Variants in GPC6 observed in about 807,000 individuals in gnomAD.
GPC6 encodes glypican-6.
In GPC6, 14 loss-of-function variants were observed where a neutral mutation model predicts 55.2. The observed-to-expected ratio is 0.25, with a 90% CI of 0.17 to 0.40. The LOEUF (loss-of-function observed/expected upper bound fraction) is 0.40, where lower values mean the gene tolerates loss of function less well. Ranked by LOEUF, GPC6 falls within the 10% of genes least tolerant of loss-of-function variation. GPC6 has a pLI of 1.00. For missense variants in GPC6, 641 were observed against 708.5 expected (o/e 0.90, Z 1.08); for synonymous variants, 278 against 259.6 (o/e 1.07, Z -0.68).
chr13:93,364,420 G>A (rs1049854176), intron 1 of GPC6, among the ~76,000 whole-genome samples: 2 of 151,870 alleles, frequency 1.3e-5, no homozygotes, highest in Non-Finnish European at 2.9e-5. Flanking sequence ...AAACACTACA[G>A]CAACGTTAGT....
chr13:94,266,151 C>CTTTTT (rs111623457), intron 4 of GPC6, among the ~76,000 whole-genome samples: 18 of 142,800 alleles, frequency 1.3e-4, no homozygotes, highest in Admixed American at 6.9e-5. Context: ...CTTTTCTTTT[C>CTTTTT]TTTTTTTTTT....
chr13:93,385,800 T>A (rs1482882783), intron 1 of GPC6, among the ~76,000 whole-genome samples: 1 of 152,086 alleles, frequency 6.6e-6, no homozygotes, highest in Non-Finnish European at 1.5e-5. Context: ...AATATAATTT[T>A]ATATTATATT....
intron 1 of GPC6, among the ~76,000 whole-genome samples, chr13:93,419,694 T>A (rs970662246): frequency 6.6e-6 from 1 of 152,188 alleles, no homozygotes. Flanking sequence ...TGAGGCTCTT[T>A]GCTGAGGGTC....
At chr13:93,291,327 T>C (rs17267592) in intron 1 of GPC6, among the ~76,000 whole-genome samples, 2 of 152,106 alleles carry the variant, frequency 1.3e-5, no homozygotes, top group East Asian at 3.9e-4. Context: ...ACAATGCCAT[T>C]GTCTCTTGAT....
chr13:93,365,064 C>A (rs964348579), intron 1 of GPC6, among the ~76,000 whole-genome samples: 4 of 152,064 alleles, frequency 2.6e-5, no homozygotes, highest in African/African-American at 7.2e-5. Flanking sequence ...CTCCACATCA[C>A]CCCCATGTCA....
rs944461147 is a variant in GPC6, at chr13:93,406,386, C to T, written c.161-138877C>T. Among the ~76,000 whole-genome samples, 5 of 152,104 alleles carry T rather than the reference C, an allele frequency of 3.3e-5. 1 individual carries two copies. Among genetic ancestry groups the T allele is most frequent in the South Asian group, 4.1e-4 (2 of 4,832 alleles). Reference sequence around the variant, plus strand: ...GGACTCTGCAGTGAGTTGTTGGTAGCGCCTGGATGGAAAATTCAGGATTTC... The same window carrying T: ...GGACTCTGCAGTGAGTTGTTGGTAGTGCCTGGATGGAAAATTCAGGATTTC... On this transcript the variant is annotated intron_variant, in intron 1 of 8. Coordinates refer to ENST00000377047, the MANE Select transcript of GPC6 (RefSeq NM_005708.5).
intron 1 of GPC6, among the ~76,000 whole-genome samples, chr13:93,339,878 T>A (rs981412321): frequency 1.3e-5 from 2 of 152,102 alleles, no homozygotes; most frequent in African/African-American, 4.8e-5. Context: ...TTAATCTAAA[T>A]GGATAAATGA....
chr13:94,306,037 G>C lies in GPC6; in HGVS notation c.1066G>C (p.Ala356Pro). Reference protein sequence around the residue: ...PAPALRSARSAPENFNTRFRP... With the variant: ...PAPALRSARSPPENFNTRFRP... ...TCCAGCCCTCAGATCTGCCCGCTCA[G>C]CTCCTGAAAATTTTAATACACGTTT... Residue 356 changes from alanine to proline, a missense_variant, in exon 6 of 9, where the codon GCT becomes CCT. Physicochemically the swap from Ala to Pro is conservative, Grantham distance 27. Coordinates refer to ENST00000377047, the MANE Select transcript of GPC6 (RefSeq NM_005708.5). 1 of 1,614,138 alleles carries C rather than the reference G, an allele frequency of 6.2e-7. No homozygotes were observed. The highest frequency in any genetic ancestry group is 8.5e-7 in the Non-Finnish European group (1 of 1,179,986).
chr13:93,823,106 G>T (rs571487959), intron 2 of GPC6, among the ~76,000 whole-genome samples: 1 of 151,786 alleles, frequency 6.6e-6, no homozygotes, highest in African/African-American at 2.4e-5. Flanking sequence ...CTCATGATCC[G>T]CCTGCCATGG....
At chr13:94,052,325 G>A (rs1883977854) in intron 4 of GPC6, among the ~76,000 whole-genome samples, 1 of 152,126 alleles carries the variant, frequency 6.6e-6, no homozygotes, top group Admixed American at 6.6e-5. Context: ...TGCAATGAAG[G>A]TACTTTGTCT....
rs192141696 is a variant in GPC6, at chr13:93,437,352, G to A, written c.161-107911G>A. ...TGATTAAGCTTAGTGAGGAAGGCAC[G>A]TTGAAAGCCAAGGCAGGCTGAAGGC... On this transcript the variant is annotated intron_variant, in intron 1 of 8. Coordinates refer to ENST00000377047, the MANE Select transcript of GPC6 (RefSeq NM_005708.5). 1.8e-3 allele frequency among the ~76,000 whole-genome samples: 274 copies of A among 152,288 alleles called. 1 individual carries two copies. The highest frequency in any genetic ancestry group is 6.3e-3 in the African/African-American group (261 of 41,554).
chr13:94,005,765 C>T (rs116109372), intron 3 of GPC6, among the ~76,000 whole-genome samples: 10 of 152,234 alleles, frequency 6.6e-5, no homozygotes, highest in African/African-American at 1.9e-4. Flanking sequence ...ATTCCCATCC[C>T]GTTCCATCTG....
At chr13:93,442,047 G>T (rs1389677762) in intron 1 of GPC6, among the ~76,000 whole-genome samples, 1 of 152,178 alleles carries the variant, frequency 6.6e-6, no homozygotes, top group Non-Finnish European at 1.5e-5. Flanking sequence ...GAGAACAAAA[G>T]AAGATAGATG....
chr13:93,554,472 A>G (rs1373094616), intron 2 of GPC6, among the ~76,000 whole-genome samples: 2 of 152,176 alleles, frequency 1.3e-5, no homozygotes, highest in Non-Finnish European at 2.9e-5. Flanking sequence ...CTCCTTGGTA[A>G]GTGTGATTGA....
At chr13:94,315,919 T>C (rs1164989662) in intron 6 of GPC6, among the ~76,000 whole-genome samples, 1 of 152,068 alleles carries the variant, frequency 6.6e-6, no homozygotes, top group East Asian at 1.9e-4. Context: ...CAACACAAAT[T>C]CGTAAACATC....
At chr13:93,651,025 A>G (rs1245334433) in intron 2 of GPC6, among the ~76,000 whole-genome samples, 1 of 152,228 alleles carries the variant, frequency 6.6e-6, no homozygotes, top group Admixed American at 6.5e-5. Context: ...GCCCACAAGT[A>G]TTAGAACTTT....
intron 1 of GPC6, among the ~76,000 whole-genome samples, chr13:93,391,827 G>A (rs1875644118): frequency 1.3e-5 from 2 of 152,020 alleles, no homozygotes; most frequent in South Asian, 2.1e-4. Flanking sequence ...ATGAGTTACG[G>A]CAGATTCTTT....
At chr13:93,452,492 T>C (rs1335302370) in intron 1 of GPC6, among the ~76,000 whole-genome samples, 2 of 152,228 alleles carry the variant, frequency 1.3e-5, no homozygotes, top group East Asian at 1.9e-4. Context: ...TCTTTGAGAA[T>C]TACTATCATA....
rs1881370338 is a variant in GPC6, at chr13:94,406,440, T to G, written c.*3223T>G. ...TTTGATTATAGCCATCGTAGAACAT[T>G]AGCACTAGAAATCTGTCTCCCTTAC... On this transcript the variant is annotated 3_prime_UTR_variant, in exon 9 of 9. Coordinates refer to ENST00000377047, the MANE Select transcript of GPC6 (RefSeq NM_005708.5). The G allele has an allele frequency of 6.6e-6, 1 of 152,142 alleles. No homozygotes were observed. The highest frequency in any genetic ancestry group is 2.4e-5 in the African/African-American group (1 of 41,456). The allele number at this position is 152,142 out of a possible 1,614,324, so 9.4% of individuals were successfully genotyped here.
Sources: allele counts gnomAD v4.1 joint callset (sites outside exome capture counted in the v4.1 genomes callset), GRCh38; gene constraint gnomAD v4.1.1; transcripts MANE v1.5; gene names NCBI Gene and HGNC (gene_info 2026-07-23, HGNC 2026-07-21).